Variants in NUDT12 observed in about 807,000 individuals in gnomAD.
The protein encoded by NUDT12 is NAD-capped RNA hydrolase NUDT12.
NUDT12 carries 42 observed loss-of-function variants against 45.7 expected under a neutral mutation model. The ratio of observed to expected loss-of-function variants is 0.92; its 90% CI spans 0.72 to 1.19. The LOEUF is 1.19. Among genes scored for constraint, NUDT12 ranks in the 50% most tolerant of loss-of-function variants. The pLI is 0.00. For synonymous variants in NUDT12, 206 were observed against 179.7 expected, an observed-to-expected ratio of 1.15 and a Z score of -1.17; for missense variants, 590 against 533.1, an observed-to-expected ratio of 1.11 and a Z score of -1.05.
In NUDT12 at chr5:103,560,152, T is replaced by G; in HGVS notation, c.97A>C (p.Ser33Arg). 1 of 1,613,584 alleles carries G rather than the reference T, an allele frequency of 6.2e-7. No homozygotes were observed. The highest frequency in any genetic ancestry group is 2.2e-5 in the East Asian group (1 of 44,848). The change falls in exon 2 of 7, where the codon AGT becomes CGT. Residue 33 changes from serine (S) to arginine (R), a missense_variant. By Grantham distance (110) the Ser-to-Arg change is moderately radical. Transcript: ENST00000230792. Reference sequence around the variant, plus strand: ...TCATTGAGAAGAGATGGAGAATGACTGAGTATTCCTGTTAACTTGGCAATA... The same window carrying G: ...TCATTGAGAAGAGATGGAGAATGACGGAGTATTCCTGTTAACTTGGCAATA... ...GDIAKLTGIL[S>R]HSPSLLNETS...
In NUDT12 at chr5:103,550,965, C is replaced by T. The variant is rs771094130; in HGVS notation, c.1285G>A (p.Asp429Asn). 2 of 1,612,688 alleles carry T rather than the reference C, an allele frequency of 1.2e-6. No individual in the cohort carries two copies. Among genetic ancestry groups the T allele is most frequent in the South Asian group, 2.2e-5 (2 of 91,050 alleles). The change falls in exon 7 of 7, where the codon GAT (aspartate) becomes AAT (asparagine). Residue 429 changes from aspartate to asparagine, a missense_variant. Asp to Asn is a conservative substitution (Grantham distance 23). Coordinates refer to ENST00000230792, the MANE Select transcript of NUDT12 (RefSeq NM_031438.4). ...ARWFTREQVL[D>N]VLTKGKQQAF... is the part of the protein sequence containing the mutation. Reference sequence around the variant, plus strand: ...TGCTGCTTCCCTTTGGTCAGAACATCCAGGACCTAAAACACACCATAATAG... The same window carrying T: ...TGCTGCTTCCCTTTGGTCAGAACATTCAGGACCTAAAACACACCATAATAG...
chr5:103,559,901 C>T (rs1748976671), intron 2 of NUDT12, 142 bp downstream of exon 2: 6 of 584,896 alleles, frequency 1.0e-5, no homozygotes, highest in Non-Finnish European at 6.0e-6. Flanking sequence ...AAAAATTGTG[C>T]TACATTTTTA....
Position 103,560,114 on chromosome 5 carries a change from A to AT in NUDT12, c.134dup (p.Asn45LysfsTer23). The AT allele has an allele frequency of 6.2e-7, 1 of 1,613,984 alleles. No homozygotes were observed. The highest frequency in any genetic ancestry group is 8.5e-7 in the Non-Finnish European group (1 of 1,179,886). On this transcript the variant is annotated frameshift_variant, in exon 2 of 7. Coordinates refer to ENST00000230792, the MANE Select transcript of NUDT12 (RefSeq NM_031438.4). LOFTEE classifies it high-confidence loss of function. Reference sequence around the variant, plus strand: ...CCGCATACATTAAAGCAGTCCAGCCATTTTCAGAAGTTTCATTGAGAAGAG... The same window carrying AT: ...CCGCATACATTAAAGCAGTCCAGCCATTTTTCAGAAGTTTCATTGAGAAGAG...
intron 1 of NUDT12, among the ~76,000 whole-genome samples, chr5:103,561,107 C>G (rs998186862): frequency 2.0e-5 from 3 of 147,798 alleles, no homozygotes; most frequent in Non-Finnish European, 4.5e-5. Flanking sequence ...GTTCATGATT[C>G]AACTGTCTGT....
chr5:103,553,037 A>C (rs966130540), intron 5 of NUDT12, among the ~76,000 whole-genome samples: 4 of 152,124 alleles, frequency 2.6e-5, no homozygotes, highest in Non-Finnish European at 4.4e-5. Flanking sequence ...ATTGTTTCTA[A>C]GTAAAATCAT....
rs1466049431 is a variant in NUDT12, at chr5:103,562,749, G to A, written c.-53C>T. 1 of 135,828 alleles carries A rather than the reference G, an allele frequency of 7.4e-6. No homozygotes were observed. The highest frequency in any genetic ancestry group is 2.3e-4 in the South Asian group (1 of 4,280). 8.4% of individuals were successfully genotyped at this position (135,828 alleles called of 1,614,324 possible). ...GCAACCAGGATGCAGTCCAAAGATT[G>A]GGATATCCCACTCGCTTTTCCTGGA... On this transcript the variant is annotated 5_prime_UTR_variant, in exon 1 of 7. Transcript: ENST00000230792.
rs773007353 is a variant in NUDT12 at position 103,559,329 on chromosome 5, C to T, written c.346G>A (p.Glu116Lys). Residue 116 changes from glutamate (E) to lysine (K), a missense_variant, in exon 3 of 7, where the codon GAA becomes AAA. Physicochemically the swap from Glu to Lys is moderately conservative, Grantham distance 56. Transcript: ENST00000230792. ...KPWFLTNEVE[E>K]CENYFSKTLL... ...GTTTTGCTAAAATAATTTTCACATT[C>T]TTCCACTTCATTCGTTAGGAACCAA... 1.2e-6 allele frequency: 2 copies of T among 1,613,362 alleles called. No individual in the cohort carries two copies. The highest frequency in any genetic ancestry group is 2.2e-5 in the South Asian group (2 of 90,880).
intron 1 of NUDT12, among the ~76,000 whole-genome samples, chr5:103,561,147 A>G (rs1204629624): frequency 4.0e-5 from 6 of 151,174 alleles, no homozygotes; most frequent in Non-Finnish European, 7.4e-5. Context: ...TTTTTAAGGT[A>G]TAATTCTTCT....
chr5:103,557,528 G>A (rs1426723538), intron 3 of NUDT12, among the ~76,000 whole-genome samples: 3 of 151,284 alleles, frequency 2.0e-5, no homozygotes, highest in South Asian at 2.1e-4. Flanking sequence ...CTCCACTGAC[G>A]TTTCTCTTGT....
At position 103,552,359 on chromosome 5, in the gene NUDT12, A is replaced by G; in HGVS notation, c.1136T>C (p.Val379Ala). The G allele has an allele frequency of 1.9e-6, 3 of 1,613,924 alleles. No homozygotes were observed. Among genetic ancestry groups the G allele is most frequent in the Non-Finnish European group, 2.5e-6 (3 of 1,179,918 alleles). The change falls in exon 6 of 7, where the codon GTT (valine) becomes GCT (alanine). Residue 379 changes from valine to alanine, a missense_variant. Transcript: ENST00000230792. ...ACAAGCAACATACTGAACATGGCCA[A>G]CTTTGACTCCACTTTCCTCTTCTAC... Reference protein sequence around the residue: ...REVEEESGVKVGHVQYVACQP... With the variant: ...REVEEESGVKAGHVQYVACQP...
At chr5:103,555,546 A>G (rs762397754) in intron 4 of NUDT12, among the ~76,000 whole-genome samples, 3 of 152,062 alleles carry the variant, frequency 2.0e-5, no homozygotes, top group Non-Finnish European at 4.4e-5. Context: ...CAAGGCAGCA[A>G]TTAGAAGAGA....
intron 6 of NUDT12, among the ~76,000 whole-genome samples, chr5:103,551,526 G>A (rs886236618): frequency 3.3e-5 from 5 of 152,060 alleles, no homozygotes; most frequent in African/African-American, 1.2e-4. Flanking sequence ...TCACGAAAAA[G>A]CAAAATGTAC....
chr5:103,555,889 C>A, intron 4 of NUDT12, 42 bp downstream of exon 4: 1 of 1,389,830 alleles, frequency 7.2e-7, no homozygotes, highest in Non-Finnish European at 9.5e-7. Flanking sequence ...ATATCTTATT[C>A]CCCAAGATCC....
In NUDT12 at chr5:103,552,239, G is replaced by A. The variant is rs1328804675; in HGVS notation, c.1256C>T (p.Ala419Val). ...TACCTGTTCTCTAGTGAACCAGCGG[G>A]CATCCTCTATTTCATTCTTGTCAAC... ...IKVDKNEIED[A>V]RWFTREQVLD... The change falls in exon 6 of 7, where the codon GCC becomes GTC. Residue 419 changes from alanine (A) to valine (V), a missense_variant. Transcript: ENST00000230792. 2.5e-6 allele frequency: 4 copies of A among 1,613,156 alleles called. No individual in the cohort carries two copies. The African/African-American group carries it at 4.0e-5, about 16-fold the overall frequency.
intron 2 of NUDT12, 70 bp from the exon 3 acceptor site, chr5:103,559,538 C>G (rs901916201): frequency 2.5e-6 from 2 of 784,668 alleles, no homozygotes; most frequent in Non-Finnish European, 3.8e-6. Flanking sequence ...GTATTTATTT[C>G]ACTAAAATAT....
Position 103,549,777 on chromosome 5 carries a change from ACTTT to A in NUDT12, c.*1080_*1083del, listed in dbSNP as rs1313483625. 2.6e-5 allele frequency: 4 copies of A among 152,124 alleles called. No individual in the cohort carries two copies. The highest frequency in any genetic ancestry group is 9.6e-5 in the African/African-American group (4 of 41,452). 9.4% of individuals were successfully genotyped at this position (152,124 alleles called of 1,614,324 possible). ...TTTCAAAATAGCCTTTCAAAATGTG[ACTTT>A]CTATGTTGCAAAATTGTGAACTACT... On this transcript the variant is annotated 3_prime_UTR_variant, in exon 7 of 7. Coordinates refer to ENST00000230792, the MANE Select transcript of NUDT12 (RefSeq NM_031438.4).
At chr5:103,552,103 T>G (rs565640155) in intron 6 of NUDT12, 114 bp downstream of exon 6, 10 of 747,284 alleles carry the variant, frequency 1.3e-5, no homozygotes, top group East Asian at 2.5e-5. Context: ...CCATGCATAA[T>G]GAGAGGGCCA....
Position 103,549,379 on chromosome 5 carries a change from C to G in NUDT12, c.*1482G>C, listed in dbSNP as rs1274771612. 6.6e-6 allele frequency: 1 copy of G among 151,832 alleles called. No homozygotes were observed. The highest frequency in any genetic ancestry group is 2.4e-5 in the African/African-American group (1 of 41,396). 9.4% of individuals were successfully genotyped at this position (151,832 alleles called of 1,614,324 possible). A position where few individuals can be genotyped will look rare whatever the true frequency, so the allele number is the denominator to read the frequency against. On this transcript the variant is annotated 3_prime_UTR_variant, in exon 7 of 7. Transcript: ENST00000230792. ...ATTAGTAAAATAAAGTTTTATCTGA[C>G]AGTTATCTTTTATTTAAGTTAAATA...
In NUDT12 at chr5:103,560,188, C is replaced by T; in HGVS notation, c.61G>A (p.Ala21Thr). 6.2e-7 allele frequency: 1 copy of T among 1,613,844 alleles called. No homozygotes were observed. Among genetic ancestry groups the T allele is most frequent in the South Asian group, 1.1e-5 (1 of 91,068 alleles). Residue 21 changes from alanine (A) to threonine (T), a missense_variant, in exon 2 of 7, where the codon GCT becomes ACT. Ala to Thr is a moderately conservative substitution (Grantham distance 58, BLOSUM62 0). Coordinates refer to ENST00000230792, the MANE Select transcript of NUDT12 (RefSeq NM_031438.4). ...GTTAACTTGGCAATATCTCCTTCAGCAGCTGAACAGTGAAACTGAGTAACT... is the reference window on the plus strand; with the variant it reads ...GTTAACTTGGCAATATCTCCTTCAGTAGCTGAACAGTGAAACTGAGTAACT... ...EIVTQFHCSA[A>T]EGDIAKLTGI...
Sources: gnomAD v4.1 joint callset for allele counts (sites outside exome capture counted in the v4.1 genomes callset) on GRCh38, gnomAD v4.1.1 for gene constraint, MANE v1.5 for transcripts, NCBI Gene and HGNC (gene_info 2026-07-23, HGNC 2026-07-21) for gene names.